Variants in ELMOD1 observed in about 807,000 individuals in gnomAD.
ELMOD1 encodes ELMO domain-containing protein 1.
In ELMOD1, 21 loss-of-function variants were observed where a neutral mutation model predicts 46.7. The observed-to-expected ratio is 0.45, with a 90% CI of 0.32 to 0.65. The LOEUF (loss-of-function observed/expected upper bound fraction) is 0.65. ELMOD1 is among the 30% of genes least tolerant of loss of function. The probability of loss-of-function intolerance (pLI) is 0.04; values close to 1 mark genes in which losing one functional copy is unlikely to be tolerated. For missense variants in ELMOD1, 348 were observed against 407.8 expected (o/e 0.85, Z 1.26); for synonymous variants, 122 against 138.2 (o/e 0.88, Z 0.82).
Position 107,654,168 on chromosome 11 carries a change from T to A in ELMOD1, c.648-4T>A. On this transcript the variant is annotated splice_polypyrimidine_tract_variant and splice_region_variant and intron_variant, in intron 9 of 11. Transcript: ENST00000265840. ...CTTACTTACTTATTCATTCATCCATTCAGCAAATTCAGCAAAGCAGAATGG... is the reference window on the plus strand; with the variant it reads ...CTTACTTACTTATTCATTCATCCATACAGCAAATTCAGCAAAGCAGAATGG... The A allele has an allele frequency of 6.3e-7, 1 of 1,578,352 alleles. No individual in the cohort carries two copies. Among genetic ancestry groups the A allele is most frequent in the Non-Finnish European group, 8.6e-7 (1 of 1,160,836 alleles).
At chr11:107,664,027 C>T (rs978960453) in intron 11 of ELMOD1, among the ~76,000 whole-genome samples, 3 of 151,948 alleles carry the variant, frequency 2.0e-5, no homozygotes, top group Non-Finnish European at 2.9e-5. Context: ...ACTCTGTCAC[C>T]GAGGCTGGAG....
At chr11:107,660,507 T>C (rs1441347677) in intron 11 of ELMOD1, among the ~76,000 whole-genome samples, 1 of 152,128 alleles carries the variant, frequency 6.6e-6, no homozygotes, top group Non-Finnish European at 1.5e-5. Flanking sequence ...AGCAAACTAT[T>C]TTTTTCTTTG....
chr11:107,647,331 A>G (rs959026248), intron 6 of ELMOD1, 137 bp from the exon 7 acceptor site: 22 of 614,864 alleles, frequency 3.6e-5, no homozygotes, highest in Non-Finnish European at 5.5e-5. Context: ...TCATTGTCAT[A>G]GATGATCACA....
At chr11:107,605,310 C>T (rs1172507003) in intron 1 of ELMOD1, among the ~76,000 whole-genome samples, 1 of 151,870 alleles carries the variant, frequency 6.6e-6, no homozygotes, top group South Asian at 2.1e-4. Flanking sequence ...GGTGATTCTC[C>T]CAACTCAGCC....
At chr11:107,617,256 T>G (rs1338037237) in intron 1 of ELMOD1, among the ~76,000 whole-genome samples, 2 of 152,238 alleles carry the variant, frequency 1.3e-5, no homozygotes, top group Non-Finnish European at 2.9e-5. Context: ...TCCCACACTC[T>G]GGGCTGTTCT....
chr11:107,625,036 G>T (rs907290052), intron 2 of ELMOD1, among the ~76,000 whole-genome samples: 2 of 152,212 alleles, frequency 1.3e-5, no homozygotes, highest in African/African-American at 2.4e-5. Flanking sequence ...TCTACAGGAA[G>T]GAAATACTCT....
At chr11:107,613,587 T>C (rs1415721580) in intron 1 of ELMOD1, among the ~76,000 whole-genome samples, 1 of 152,206 alleles carries the variant, frequency 6.6e-6, no homozygotes, top group East Asian at 1.9e-4. Context: ...TCAAGAACTA[T>C]TATGTAAAGA....
At chr11:107,647,775 C>T (rs757863252) in intron 7 of ELMOD1, among the ~76,000 whole-genome samples, 174 bp downstream of exon 7, 29 of 152,148 alleles carry the variant, frequency 1.9e-4, no homozygotes, top group Non-Finnish European at 3.8e-4. Context: ...TGCTACCTTC[C>T]TTGTATTTCA....
At chr11:107,614,732 T>G (rs1272984756) in intron 1 of ELMOD1, among the ~76,000 whole-genome samples, 2 of 152,324 alleles carry the variant, frequency 1.3e-5, no homozygotes, top group South Asian at 2.1e-4. Context: ...AGGTTCAAAC[T>G]TCAACATTAC....
In ELMOD1 at chr11:107,591,151, G is replaced by A; in HGVS notation, c.-344G>A. ...ACGCCCTCCCCCGCTGCTCTCGGTC[G>A]CCTCCTCGCCGCCAGCCGCCCCGGG... On this transcript the variant is annotated 5_prime_UTR_variant, in exon 1 of 12. Coordinates refer to ENST00000265840, the MANE Select transcript of ELMOD1 (RefSeq NM_018712.4). 6.5e-6 allele frequency: 1 copy of A among 153,204 alleles called. No individual in the cohort carries two copies. Among genetic ancestry groups the A allele is most frequent in the Non-Finnish European group, 1.4e-5 (1 of 68,982 alleles). The allele number at this position is 153,204 out of a possible 1,614,324, so 9.5% of individuals were successfully genotyped here.
At position 107,650,343 on chromosome 11, in the gene ELMOD1, C is replaced by T. The variant is rs763943002; in HGVS notation, c.563C>T (p.Ala188Val). 4.2e-5 allele frequency: 67 copies of T among 1,584,412 alleles called. No individual in the cohort carries two copies. The highest frequency in any genetic ancestry group is 1.7e-4 in the Middle Eastern group (1 of 6,026). The stretch of plus-strand genomic sequence containing the variant: ...TTTCCCTCCCGCTGCAGGTATTTCG[C>T]GGAAAGGGATGCCACAGCAGCTCAG... ...LLGLYNLQYF[A>V]ERDATAAQQV... Residue 188 changes from alanine to valine, a missense_variant, in exon 8 of 12, where the codon GCG (alanine) becomes GTG (valine). Physicochemically the swap from Ala to Val is moderately conservative, Grantham distance 64. Coordinates refer to ENST00000265840, the MANE Select transcript of ELMOD1 (RefSeq NM_018712.4).
At position 107,650,409 on chromosome 11, in the gene ELMOD1, T is replaced by C. The variant is rs1314762445; in HGVS notation, c.623+6T>C. ...TCTCTTCATCCGAAATGCAGGTAAT[T>C]GTTGAAAGTAAAAGATGAATTAGGT... On this transcript the variant is annotated splice_donor_region_variant and intron_variant, in intron 8 of 11. Transcript: ENST00000265840. 5.1e-6 allele frequency: 8 copies of C among 1,572,372 alleles called. No homozygotes were observed. The highest frequency in any genetic ancestry group is 6.9e-6 in the Non-Finnish European group (8 of 1,155,538).
intron 11 of ELMOD1, among the ~76,000 whole-genome samples, chr11:107,660,893 A>G (rs989386960): frequency 3.3e-5 from 5 of 152,178 alleles, no homozygotes; most frequent in East Asian, 1.9e-4. Flanking sequence ...AGCATTAGGG[A>G]GCACAGGAAG....
rs886986799 is a variant in ELMOD1 at position 107,662,110 on chromosome 11, G to C, written c.833-2915G>C. ...TTGTTCTGTGAAATACAGGGCAACA[G>C]ATTTAGGCCCAGAATGAGGAAGAAC... On this transcript the variant is annotated intron_variant, in intron 11 of 11. Transcript: ENST00000265840. 3.3e-5 allele frequency among the ~76,000 whole-genome samples: 5 copies of C among 152,308 alleles called. No homozygotes were observed. In the East Asian group the frequency reaches 9.7e-4, roughly 29 times the overall value.
intron 11 of ELMOD1, among the ~76,000 whole-genome samples, chr11:107,663,705 A>G (rs1187125313): frequency 1.3e-5 from 2 of 152,234 alleles, no homozygotes; most frequent in African/African-American, 4.8e-5. Context: ...ATAAAATATG[A>G]GTAAAGATTT....
chr11:107,592,216 G>A (rs73555593), intron 1 of ELMOD1: 42,533 of 398,936 alleles, frequency 0.11, 2,791 homozygotes, highest in African/African-American at 0.22. Flanking sequence ...ACGACCTCAC[G>A]GGCTCACTTG....
In ELMOD1 at chr11:107,644,259, A is replaced by G. The variant is rs1463507347; in HGVS notation, c.421-3209A>G. Among the ~76,000 whole-genome samples, 3 of 151,640 alleles carry G rather than the reference A, an allele frequency of 2.0e-5. No individual in the cohort carries two copies. In the East Asian group the frequency reaches 5.9e-4, roughly 30 times the overall value. The stretch of plus-strand genomic sequence containing the variant: ...TGCAGTGAGCTGAGATCATGCCACT[A>G]CACTCCAGCCTGGGCGGCAGAGTGA... On this transcript the variant is annotated intron_variant, in intron 6 of 11. Coordinates refer to ENST00000265840, the MANE Select transcript of ELMOD1 (RefSeq NM_018712.4).
chr11:107,646,738 A>G (rs1019952859), intron 6 of ELMOD1, among the ~76,000 whole-genome samples: 21 of 152,106 alleles, frequency 1.4e-4, no homozygotes, highest in Admixed American at 1.4e-3. Flanking sequence ...CCGTCTCCAA[A>G]AAAAAGCAAA....
intron 2 of ELMOD1, chr11:107,625,319 C>G: frequency 1.2e-6 from 1 of 810,294 alleles, no homozygotes; most frequent in Non-Finnish European, 1.5e-6. Flanking sequence ...ATTTGGGAAA[C>G]TGTGGTTTGA....
Sources: gnomAD v4.1 joint callset for allele counts (sites outside exome capture counted in the v4.1 genomes callset) on GRCh38, gnomAD v4.1.1 for gene constraint, MANE v1.5 for transcripts, NCBI Gene and HGNC (gene_info 2026-07-23, HGNC 2026-07-21) for gene names.